PDE4D: variants seen among roughly 807,000 people sequenced by gnomAD.
PDE4D encodes the protein phosphodiesterase 4D, also known as 3',5'-cyclic-AMP phosphodiesterase 4D.
In PDE4D, 24 loss-of-function variants were observed where a neutral mutation model predicts 87.4. That is an observed-to-expected ratio of 0.27 (90% CI 0.20 to 0.39). The LOEUF (loss-of-function observed/expected upper bound fraction) is 0.39, where lower values mean the gene tolerates loss of function less well. Among genes scored for constraint, PDE4D ranks in the 10% least tolerant of loss-of-function variants. The pLI, the probability that PDE4D is intolerant of heterozygous loss-of-function variation, is 1.00. For missense variants in PDE4D, 714 were observed against 1,041.0 expected (o/e 0.69, Z 4.32); for synonymous variants, 384 against 383.2 (o/e 1.00, Z -0.02).
chr5:59,192,496 G>A (rs550186764), intron 3 of PDE4D, among the ~76,000 whole-genome samples: 1 of 152,164 alleles, frequency 6.6e-6, no homozygotes, highest in African/African-American at 2.4e-5. Context: ...AACTAGATCT[G>A]ACTGTCTTTC....
intron 2 of PDE4D, among the ~76,000 whole-genome samples, chr5:60,090,000 A>AT (rs1774960271): frequency 1.3e-5 from 2 of 152,066 alleles, no homozygotes; most frequent in Admixed American, 1.3e-4. Flanking sequence ...AAAACCAGTA[A>AT]TGAGTATGAG....
intron 1 of PDE4D, among the ~76,000 whole-genome samples, chr5:59,636,645 C>A (rs932945918): frequency 6.6e-6 from 1 of 152,148 alleles, no homozygotes. Context: ...CAAAAACAAG[C>A]AATGGGGAAT....
At chr5:60,005,957 T>C (rs1729674206) in intron 2 of PDE4D, among the ~76,000 whole-genome samples, 1 of 151,948 alleles carries the variant, frequency 6.6e-6, no homozygotes, top group African/African-American at 2.4e-5. Context: ...ATTAAAATTA[T>C]TTAATAAAAT....
chr5:60,063,155 A>C (rs1045737726), intron 2 of PDE4D, among the ~76,000 whole-genome samples: 1 of 149,864 alleles, frequency 6.7e-6, no homozygotes, highest in African/African-American at 2.5e-5. Flanking sequence ...AGAAAGAAAG[A>C]AGGAAAGAAA....
chr5:59,036,588 C>T (rs1051340844), intron 6 of PDE4D, among the ~76,000 whole-genome samples: 1 of 152,162 alleles, frequency 6.6e-6, no homozygotes, highest in South Asian at 2.1e-4. Flanking sequence ...TATTCATGCC[C>T]TTGTTATGAA....
intron 1 of PDE4D, among the ~76,000 whole-genome samples, chr5:59,805,327 C>T (rs1349576486): frequency 6.6e-6 from 1 of 152,070 alleles, no homozygotes; most frequent in African/African-American, 2.4e-5. Context: ...TAGATATCAC[C>T]AGATAAAAGG....
chr5:59,914,086 G>GC (rs1257337939), intron 3 of PDE4D, among the ~76,000 whole-genome samples: 3 of 210 alleles, frequency 0.014, no homozygotes, highest in Non-Finnish European at 0.022. Context: ...TCCCACTTGT[G>GC]CAAACAGCTG....
At chr5:59,150,069 T>C (rs1054244120) in intron 5 of PDE4D, among the ~76,000 whole-genome samples, 2 of 152,082 alleles carry the variant, frequency 1.3e-5, no homozygotes, top group African/African-American at 4.8e-5. Flanking sequence ...GAGGTCCAAA[T>C]TCAGAGCCTT....
At chr5:59,291,734 AG>A (rs1027599788) in intron 1 of PDE4D, among the ~76,000 whole-genome samples, 54 of 116,818 alleles carry the variant, frequency 4.6e-4, no homozygotes, top group African/African-American at 1.6e-3. Context: ...AAAAGTAAAA[AG>A]AAGTTTTTTT....
chr5:59,618,440 G>C (rs1446438864), intron 1 of PDE4D, among the ~76,000 whole-genome samples: 1 of 152,156 alleles, frequency 6.6e-6, no homozygotes, highest in African/African-American at 2.4e-5. Context: ...GAATGAAAGA[G>C]AGGACCTGAC....
intron 1 of PDE4D, among the ~76,000 whole-genome samples, chr5:59,780,193 G>A (rs754158278): frequency 2.6e-5 from 4 of 152,082 alleles, no homozygotes; most frequent in African/African-American, 7.2e-5. Flanking sequence ...GCGAAACCCC[G>A]TCTCTACTAA....
rs1562323049 is a variant in PDE4D, at chr5:60,322,396, ACACACACACAC to A, written c.-89-136720_-89-136710del. ...CACACACACACACACACACACACAC[ACACACACACAC>A]ACACACACAAAACCCTAACATATTT... On this transcript the variant is annotated intron_variant, in intron 1 of 16. Transcript: ENST00000502484. 8.6e-4 allele frequency among the ~76,000 whole-genome samples: 130 copies of A among 150,890 alleles called. 2 individuals carry two copies. The South Asian group carries it at 0.015, about 18-fold the overall frequency.
At chr5:59,177,515 C>G (rs953269081) in intron 5 of PDE4D, among the ~76,000 whole-genome samples, 3 of 152,186 alleles carry the variant, frequency 2.0e-5, no homozygotes, top group Admixed American at 6.5e-5. Context: ...AAGCCAGCAA[C>G]AACTGCAGGA....
At chr5:59,882,713 G>GA (rs946475419) in intron 1 of PDE4D, among the ~76,000 whole-genome samples, 14 of 151,452 alleles carry the variant, frequency 9.2e-5, no homozygotes, top group African/African-American at 3.4e-4. Context: ...GAGACAATGG[G>GA]GTGTTCATGT....
intron 3 of PDE4D, among the ~76,000 whole-genome samples, chr5:59,907,007 A>C (rs995038470): frequency 1.3e-5 from 2 of 152,234 alleles, no homozygotes; most frequent in African/African-American, 4.8e-5. Flanking sequence ...AGATTTGGTA[A>C]AGAAAATGTG....
chr5:59,886,418 G>A (rs2152749816), intron 1 of PDE4D, among the ~76,000 whole-genome samples: 1 of 152,234 alleles, frequency 6.6e-6, no homozygotes, highest in South Asian at 2.1e-4. Context: ...TCGGGAGGCT[G>A]AGGCAGGAGA....
At chr5:59,311,177 G>T (rs1378226358) in intron 1 of PDE4D, among the ~76,000 whole-genome samples, 1 of 152,066 alleles carries the variant, frequency 6.6e-6, no homozygotes, top group East Asian at 1.9e-4. Context: ...AGAACTCCAG[G>T]ATGAATGGGG....
intron 1 of PDE4D, among the ~76,000 whole-genome samples, chr5:59,273,012 C>G (rs896416698): frequency 6.6e-6 from 1 of 152,078 alleles, no homozygotes; most frequent in South Asian, 2.1e-4. Context: ...GAAAGTAGAC[C>G]AATGGAACAC....
chr5:59,329,402 C>T (rs1472134805), intron 1 of PDE4D, among the ~76,000 whole-genome samples: 1 of 152,114 alleles, frequency 6.6e-6, no homozygotes, highest in Admixed American at 6.6e-5. Context: ...TTATTGAAGC[C>T]CTGTAAAATC....
Sources: gnomAD v4.1 joint callset for allele counts (sites outside exome capture counted in the v4.1 genomes callset) on GRCh38, gnomAD v4.1.1 for gene constraint, MANE v1.5 for transcripts, NCBI Gene and HGNC (gene_info 2026-07-23, HGNC 2026-07-21) for gene names.